The following VEZT variants were observed in gnomAD, a reference collection of about 807,000 sequenced individuals.
VEZT encodes vezatin, adherens junctions transmembrane protein, also known as vezatin.
In VEZT, 39 loss-of-function variants were observed where a neutral mutation model predicts 79.9. That is an observed-to-expected ratio of 0.49 (90% CI 0.38 to 0.64). The LOEUF (loss-of-function observed/expected upper bound fraction) is 0.64, where lower values mean the gene tolerates loss of function less well. VEZT is among the 30% of genes least tolerant of loss of function. VEZT has a pLI of 0.00. For synonymous variants in VEZT, 325 were observed against 327.6 expected, an observed-to-expected ratio of 0.99 and a Z score of 0.09; for missense variants, 837 against 893.1, an observed-to-expected ratio of 0.94 and a Z score of 0.80.
chr12:95,282,946 G>T (rs1376815838), intron 8 of VEZT, among the ~76,000 whole-genome samples: 3 of 152,162 alleles, frequency 2.0e-5, no homozygotes, highest in African/African-American at 7.2e-5. Flanking sequence ...TGGTTATAAA[G>T]AATGAGTTTC....
At chr12:95,263,920 C>T (rs1331368033) in intron 4 of VEZT, 1 of 151,854 alleles carries the variant, frequency 6.6e-6, no homozygotes, top group African/African-American at 2.4e-5. Flanking sequence ...GAGCAGAAGT[C>T]CCAAGCAATA....
chr12:95,270,316 T>C (rs1044328874), intron 6 of VEZT, 128 bp downstream of exon 6: 1 of 966,962 alleles, frequency 1.0e-6, no homozygotes, highest in Non-Finnish European at 1.5e-6. Flanking sequence ...ATTTCCATCA[T>C]CAATTCTATG....
In VEZT at chr12:95,300,136, T is replaced by G. The variant is rs768587556; in HGVS notation, c.1832-29T>G. The G allele has an allele frequency of 6.0e-6, 8 of 1,324,646 alleles. No homozygotes were observed. The South Asian group carries it at 1.4e-4, about 23-fold the overall frequency. 82.1% of individuals were successfully genotyped at this position (1,324,646 alleles called of 1,614,324 possible). A position where few individuals can be genotyped will look rare whatever the true frequency, so the allele number is the denominator to read the frequency against. On this transcript the variant is annotated intron_variant, in intron 11 of 11. Transcript: ENST00000436874. ...TCATTGCTAGGTCCTTAGTTATTTT[T>G]TTTCTTTTTTCTTTTTTTTTATTTG...
At chr12:95,228,580 A>T (rs2058815313) in intron 1 of VEZT, among the ~76,000 whole-genome samples, 1 of 152,184 alleles carries the variant, frequency 6.6e-6, no homozygotes, top group South Asian at 2.1e-4. Context: ...TATTTAAAAT[A>T]ATCTTGTTCC....
rs202062093 is a variant in VEZT, at chr12:95,250,303, A to ATT, written c.37-1623_37-1622dup. Reference sequence around the variant, plus strand: ...TATTATTTTTTTTTTTAATTTTTTAATTTTTTTTTTTTTTTGTGAGACAAA... The same window carrying ATT: ...TATTATTTTTTTTTTTAATTTTTTAATTTTTTTTTTTTTTTTTGTGAGACAAA... On this transcript the variant is annotated intron_variant, in intron 1 of 11. Coordinates refer to ENST00000436874, the MANE Select transcript of VEZT (RefSeq NM_017599.4). Among the ~76,000 whole-genome samples the ATT allele has an allele frequency of 5.2e-4, 61 of 116,568 alleles. 1 individual carries two copies. Among genetic ancestry groups the ATT allele is most frequent in the South Asian group, 1.4e-3 (5 of 3,562 alleles). The allele number at this position is 116,568 out of a possible 152,430, so 76.5% of individuals were successfully genotyped here. A position where few individuals can be genotyped will look rare whatever the true frequency, so the allele number is the denominator to read the frequency against.
chr12:95,224,061 G>A, intron 1 of VEZT: 1 of 406,472 alleles, frequency 2.5e-6, no homozygotes, highest in Non-Finnish European at 5.0e-6. Flanking sequence ...GTATATAGTT[G>A]AGGGATTGAT....
At chr12:95,255,242 C>A (rs1160427000) in intron 2 of VEZT, among the ~76,000 whole-genome samples, 1 of 152,020 alleles carries the variant, frequency 6.6e-6, no homozygotes, top group Non-Finnish European at 1.5e-5. Flanking sequence ...AAAAAGTGTT[C>A]TTTTTAATAG....
Position 95,217,900 on chromosome 12 carries a change from G to A in VEZT, c.36+14G>A, listed in dbSNP as rs373355200. The A allele has an allele frequency of 6.0e-6, 9 of 1,508,246 alleles. No homozygotes were observed. Among genetic ancestry groups the A allele is most frequent in the Non-Finnish European group, 8.0e-6 (9 of 1,131,488 alleles). 93.4% of individuals were successfully genotyped at this position (1,508,246 alleles called of 1,614,324 possible). On this transcript the variant is annotated intron_variant, in intron 1 of 11. Coordinates refer to ENST00000436874, the MANE Select transcript of VEZT (RefSeq NM_017599.4). ...GTGGTTTTTGAGGTAAGAGGAAAAT[G>A]GCGGTGGGTGTGGATTGCCTTTGTT...
chr12:95,241,989 A>C (rs2061083314), intron 1 of VEZT, among the ~76,000 whole-genome samples: 1 of 152,242 alleles, frequency 6.6e-6, no homozygotes, highest in Non-Finnish European at 1.5e-5. Context: ...ACATTGTTGC[A>C]GGAAGTTTGC....
intron 9 of VEZT, among the ~76,000 whole-genome samples, chr12:95,293,274 T>G (rs944304847): frequency 2.6e-5 from 4 of 152,252 alleles, no homozygotes; most frequent in Admixed American, 2.0e-4. Flanking sequence ...AATTTATTCA[T>G]CGTTCTGCCA....
At chr12:95,275,501 C>T (rs952899693) in intron 7 of VEZT, among the ~76,000 whole-genome samples, 8 of 151,130 alleles carry the variant, frequency 5.3e-5, no homozygotes, top group Non-Finnish European at 8.8e-5. Context: ...CAGGAGAACC[C>T]GGAAGGCAGA....
intron 10 of VEZT, among the ~76,000 whole-genome samples, chr12:95,295,293 T>A (rs1051479484): frequency 5.9e-5 from 9 of 152,182 alleles, no homozygotes; most frequent in African/African-American, 2.2e-4. Flanking sequence ...CCTGAGTAGC[T>A]GGGATTACAG....
At chr12:95,247,863 G>A (rs1278329171) in intron 1 of VEZT, among the ~76,000 whole-genome samples, 1 of 152,132 alleles carries the variant, frequency 6.6e-6, no homozygotes, top group East Asian at 1.9e-4. Flanking sequence ...ACATGTGTTA[G>A]GAAGTAATAT....
intron 1 of VEZT, among the ~76,000 whole-genome samples, chr12:95,246,014 A>G (rs544525465): frequency 1.8e-4 from 27 of 152,364 alleles, no homozygotes; most frequent in African/African-American, 6.5e-4. Flanking sequence ...TAGTAATGAC[A>G]CTGGCACTTG....
At chr12:95,221,182 T>C (rs2057523241) in intron 1 of VEZT, among the ~76,000 whole-genome samples, 2 of 152,262 alleles carry the variant, frequency 1.3e-5, no homozygotes, top group South Asian at 4.1e-4. Flanking sequence ...GTTGTTTCTT[T>C]TTCTTGCTGA....
chr12:95,265,190 C>G (rs1200122356), intron 4 of VEZT, among the ~76,000 whole-genome samples: 2 of 151,972 alleles, frequency 1.3e-5, no homozygotes, highest in East Asian at 3.9e-4. Flanking sequence ...ACATTTTCAC[C>G]AAAGCATTCA....
Position 95,217,899 on chromosome 12 carries a change from T to C in VEZT, c.36+13T>C, listed in dbSNP as rs761232605. 1 of 1,506,948 alleles carries C rather than the reference T, an allele frequency of 6.6e-7. No homozygotes were observed. Among genetic ancestry groups the C allele is most frequent in the East Asian group, 2.7e-5 (1 of 36,764 alleles). 93.3% of individuals were successfully genotyped at this position (1,506,948 alleles called of 1,614,324 possible). A position where few individuals can be genotyped will look rare whatever the true frequency, so the allele number is the denominator to read the frequency against. The stretch of plus-strand genomic sequence containing the variant: ...GGTGGTTTTTGAGGTAAGAGGAAAA[T>C]GGCGGTGGGTGTGGATTGCCTTTGT... On this transcript the variant is annotated intron_variant, in intron 1 of 11. Transcript: ENST00000436874.
At chr12:95,273,439 T>A (rs963119226) in intron 6 of VEZT, among the ~76,000 whole-genome samples, 1 of 152,204 alleles carries the variant, frequency 6.6e-6, no homozygotes, top group African/African-American at 2.4e-5. Context: ...TCTTAGAAGG[T>A]ACTGGTAAAT....
chr12:95,284,983 G>A (rs2070259285), intron 8 of VEZT, among the ~76,000 whole-genome samples: 1 of 151,686 alleles, frequency 6.6e-6, no homozygotes, highest in African/African-American at 2.4e-5. Context: ...TTACTCGGGA[G>A]GCTGAGGCAG....
Sources: gnomAD v4.1 joint callset for allele counts (sites outside exome capture counted in the v4.1 genomes callset) on GRCh38, gnomAD v4.1.1 for gene constraint, MANE v1.5 for transcripts, NCBI Gene and HGNC (gene_info 2026-07-23, HGNC 2026-07-21) for gene names.